INPP4B: variants seen among roughly 807,000 people sequenced by gnomAD.
INPP4B encodes the protein inositol polyphosphate 4-phosphatase type II.
In INPP4B, 55 loss-of-function variants were observed where a neutral mutation model predicts 122.5. That is an observed-to-expected ratio of 0.45 (90% CI 0.36 to 0.56). The LOEUF is 0.56. INPP4B is among the 20% of genes least tolerant of loss of function. The pLI is 0.00. For synonymous variants in INPP4B, 403 were observed against 388.7 expected (o/e 1.04, Z -0.43); for missense variants, 1,000 against 1,097.7 (o/e 0.91, Z 1.26).
chr4:142,153,192 C>T, intron 17 of INPP4B, among the ~76,000 whole-genome samples: 1 of 152,164 alleles, frequency 6.6e-6, no homozygotes, highest in Non-Finnish European at 1.5e-5. Context: ...GTTATCTGCA[C>T]ACTATTAGAT....
At chr4:142,372,045 T>C (rs1790133516) in intron 7 of INPP4B, among the ~76,000 whole-genome samples, 1 of 152,122 alleles carries the variant, frequency 6.6e-6, no homozygotes, top group East Asian at 1.9e-4. Flanking sequence ...TGTTCATTAG[T>C]GGATGAATGG....
Position 142,572,318 on chromosome 4 carries a change from G to A in INPP4B, c.-190-109592C>T, listed in dbSNP as rs182529351. Among the ~76,000 whole-genome samples, 7 of 152,232 alleles carry A rather than the reference G, an allele frequency of 4.6e-5. No homozygotes were observed. The East Asian group carries it at 1.4e-3, about 30-fold the overall frequency. On this transcript the variant is annotated intron_variant, in intron 2 of 25. Transcript: ENST00000262992. The stretch of plus-strand genomic sequence containing the variant: ...CCCACAGAAAGAACCTGAGAACAAG[G>A]TGCACCTGCAGAGAGAGCTGTGGGG...
chr4:142,455,565 T>C (rs1270075044), intron 3 of INPP4B, among the ~76,000 whole-genome samples: 1 of 151,962 alleles, frequency 6.6e-6, no homozygotes, highest in East Asian at 1.9e-4. Flanking sequence ...TTCATCTGTT[T>C]ATGGACACTT....
chr4:142,845,509 A>C (rs1044340452), intron 1 of INPP4B, among the ~76,000 whole-genome samples: 8 of 152,098 alleles, frequency 5.3e-5, no homozygotes, highest in Admixed American at 5.2e-4. Context: ...CTAACCTCTC[A>C]GCGAGACCTC....
At chr4:142,342,284 G>A (rs972910059) in intron 7 of INPP4B, among the ~76,000 whole-genome samples, 3 of 151,962 alleles carry the variant, frequency 2.0e-5, no homozygotes, top group African/African-American at 7.3e-5. Context: ...ACAAATAATT[G>A]CCTCAGAAAA....
intron 7 of INPP4B, among the ~76,000 whole-genome samples, chr4:142,367,229 T>G (rs1787887923): frequency 6.6e-6 from 1 of 151,386 alleles, no homozygotes; most frequent in Non-Finnish European, 1.5e-5. Context: ...TGTGTGTATT[T>G]GCCAGTCATT....
chr4:142,440,434 T>G (rs1811442117), intron 3 of INPP4B, among the ~76,000 whole-genome samples: 1 of 152,208 alleles, frequency 6.6e-6, no homozygotes, highest in African/African-American at 2.4e-5. Context: ...ATGAAAGATG[T>G]GGGAAAATAA....
intron 1 of INPP4B, among the ~76,000 whole-genome samples, chr4:142,816,390 C>G (rs181265098): frequency 2.6e-5 from 4 of 151,916 alleles, no homozygotes; most frequent in Non-Finnish European, 5.9e-5. Context: ...GTTAAATATT[C>G]TACCATAGGA....
intron 7 of INPP4B, among the ~76,000 whole-genome samples, chr4:142,334,394 G>C (rs1484774938): frequency 1.3e-5 from 2 of 152,118 alleles, no homozygotes; most frequent in South Asian, 4.1e-4. Flanking sequence ...TGGGTATTGT[G>C]AATAATGCTG....
intron 5 of INPP4B, chr4:142,425,114 A>G (rs1807764503): frequency 6.6e-6 from 1 of 152,098 alleles, no homozygotes; most frequent in African/African-American, 2.4e-5. Flanking sequence ...TATACATAAT[A>G]CATGGATTCT....
chr4:142,432,980 T>G (rs1241747214), intron 3 of INPP4B, among the ~76,000 whole-genome samples: 1 of 152,198 alleles, frequency 6.6e-6, no homozygotes, highest in African/African-American at 2.4e-5. Context: ...AAAGTCTCAT[T>G]AATGTGGTCC....
chr4:142,715,709 G>A (rs575274282), intron 2 of INPP4B, among the ~76,000 whole-genome samples: 1 of 152,322 alleles, frequency 6.6e-6, no homozygotes, highest in East Asian at 1.9e-4. Context: ...GTTGCAGTTA[G>A]CTATGACTGC....
rs868006532 is a variant in INPP4B at position 142,215,815 on chromosome 4, C to A, written c.837-6789G>T. Among the ~76,000 whole-genome samples, 90 of 139,776 alleles carry A rather than the reference C, an allele frequency of 6.4e-4. 1 individual carries two copies. The Middle Eastern group carries it at 0.017, about 26-fold the overall frequency. The allele number at this position is 139,776 out of a possible 152,430, so 91.7% of individuals were successfully genotyped here. On this transcript the variant is annotated intron_variant, in intron 12 of 25. Transcript: ENST00000262992. ...GGCTGAGGCGGGAGAATGGTGTGAA[C>A]CCAGGAGGCGGAGCTTGCAGTGAGC... is the stretch of plus-strand genomic sequence containing the variant.
intron 2 of INPP4B, among the ~76,000 whole-genome samples, chr4:142,526,424 G>A (rs186154287): frequency 5.3e-4 from 80 of 152,154 alleles, no homozygotes; most frequent in Middle Eastern, 6.8e-3. Context: ...GTGGCGAAAT[G>A]AGAGCTCTCC....
At chr4:142,845,108 A>G (rs761099013) in intron 1 of INPP4B, among the ~76,000 whole-genome samples, 24 of 152,174 alleles carry the variant, frequency 1.6e-4, no homozygotes, top group Non-Finnish European at 5.9e-5. Context: ...CCTTAAAACA[A>G]GAGTAATAGA....
intron 2 of INPP4B, among the ~76,000 whole-genome samples, chr4:142,505,489 C>G (rs1823909947): frequency 6.6e-6 from 1 of 151,936 alleles, no homozygotes; most frequent in South Asian, 2.1e-4. Context: ...GGTAAGACTC[C>G]CAATGCATTT....
chr4:142,690,765 C>T (rs903763326), intron 2 of INPP4B, among the ~76,000 whole-genome samples: 1 of 152,068 alleles, frequency 6.6e-6, no homozygotes, highest in African/African-American at 2.4e-5. Flanking sequence ...TTTTCTATCC[C>T]AGTGAATACT....
At chr4:142,469,553 G>T (rs1483606175) in intron 2 of INPP4B, among the ~76,000 whole-genome samples, 3 of 151,978 alleles carry the variant, frequency 2.0e-5, no homozygotes, top group Non-Finnish European at 4.4e-5. Context: ...AGAATATTCT[G>T]AATATTAATA....
intron 9 of INPP4B, among the ~76,000 whole-genome samples, chr4:142,279,976 A>G (rs1053754531): frequency 6.6e-6 from 1 of 152,000 alleles, no homozygotes; most frequent in African/African-American, 2.4e-5. Context: ...GGATATATGG[A>G]TGGCAAATAG....
Sources: allele counts gnomAD v4.1 joint callset (sites outside exome capture counted in the v4.1 genomes callset), GRCh38; gene constraint gnomAD v4.1.1; transcripts MANE v1.5; gene names NCBI Gene and HGNC (gene_info 2026-07-23, HGNC 2026-07-21).